Variants in FRYL observed in about 807,000 individuals in gnomAD.
The protein encoded by FRYL is protein furry homolog-like.
Under a neutral mutation model 351.2 loss-of-function variants are expected in FRYL, and 150 were observed. The observed-to-expected ratio is 0.43, with a 90% confidence interval of 0.37 to 0.49. FRYL has a LOEUF of 0.49. Ranked by LOEUF, FRYL falls within the 20% of genes least tolerant of loss-of-function variation. The pLI, the probability that FRYL is intolerant of heterozygous loss-of-function variation, is 0.00. For synonymous variants in FRYL, 1,153 were observed against 1,257.1 expected (o/e 0.92, Z 1.75); for missense variants, 3,036 against 3,619.3 (o/e 0.84, Z 4.13).
Position 48,581,709 on chromosome 4 carries a change from G to A in FRYL, c.1987-104C>T, listed in dbSNP as rs1276687418. 1.1e-5 allele frequency: 10 copies of A among 901,348 alleles called. No individual in the cohort carries two copies. The African/African-American group carries it at 1.4e-4, about 12-fold the overall frequency. The allele number at this position is 901,348 out of a possible 1,614,324, so 55.8% of individuals were successfully genotyped here. A position where few individuals can be genotyped will look rare whatever the true frequency, so the allele number is the denominator to read the frequency against. On this transcript the variant is annotated intron_variant, in intron 20 of 63. Coordinates refer to ENST00000358350, the MANE Select transcript of FRYL (RefSeq NM_015030.2). ...GCAAATCATAGTGATTATGACTACC[G>A]GTCTGCCTCAGCTCAAGCAATGTAA... is the stretch of plus-strand genomic sequence containing the variant.
chr4:48,710,526 A>T lies in FRYL; in HGVS notation c.-211T>A. 1 of 398,656 alleles carries T rather than the reference A, an allele frequency of 2.5e-6. No individual in the cohort carries two copies. Among genetic ancestry groups the T allele is most frequent in the East Asian group, 3.6e-5 (1 of 28,080 alleles). The allele number at this position is 398,656 out of a possible 1,614,324, so 24.7% of individuals were successfully genotyped here. ...AAATATACATGTCCTTACCACTTAG[A>T]AATGGTTGTTGAGGCACAGAGTTTG... is the stretch of plus-strand genomic sequence containing the variant. On this transcript the variant is annotated 5_prime_UTR_variant, in exon 2 of 64. Coordinates refer to ENST00000358350, the MANE Select transcript of FRYL (RefSeq NM_015030.2).
chr4:48,657,358 T>C (rs1337209250), intron 3 of FRYL, among the ~76,000 whole-genome samples: 31 of 148,790 alleles, frequency 2.1e-4, no homozygotes, highest in African/African-American at 5.1e-4. Context: ...CTTTTCTTTT[T>C]TTTTTTTTTT....
At chr4:48,606,658 C>T (rs1196252151) in intron 9 of FRYL, 52 bp from the exon 10 acceptor site, 8 of 1,444,134 alleles carry the variant, frequency 5.5e-6, no homozygotes, top group Non-Finnish European at 7.6e-6. Flanking sequence ...CACTAATTTC[C>T]ACATGATATT....
At chr4:48,672,430 T>C (rs1261778101) in intron 3 of FRYL, among the ~76,000 whole-genome samples, 1 of 152,174 alleles carries the variant, frequency 6.6e-6, no homozygotes, top group Non-Finnish European at 1.5e-5. Flanking sequence ...AATCTTCCAA[T>C]AATTACAGCC....
At chr4:48,721,187 T>A (rs1769429729) in intron 1 of FRYL, among the ~76,000 whole-genome samples, 1 of 152,172 alleles carries the variant, frequency 6.6e-6, no homozygotes. Context: ...TATACTTATT[T>A]AATTCCTTAT....
intron 1 of FRYL, among the ~76,000 whole-genome samples, chr4:48,732,940 A>AG (rs532166154): frequency 5.3e-5 from 8 of 151,224 alleles, no homozygotes; most frequent in Non-Finnish European, 7.4e-5. Context: ...TAAAAAAAAA[A>AG]AAAGAAAGTA....
rs113497747 is a variant in FRYL, at chr4:48,515,291, A to C, written c.7690-16T>G. The C allele has an allele frequency of 1.2e-3, 1,826 of 1,574,078 alleles. 21 individuals are homozygous for C. The African/African-American group carries it at 0.023, about 20-fold the overall frequency. On this transcript the variant is annotated splice_polypyrimidine_tract_variant and intron_variant, in intron 55 of 63. Transcript: ENST00000358350. ...AAGTTGTATCCTACAAAACAATCAT[A>C]GTTTTAGTGAACTATAAACACATAA...
Position 48,527,420 on chromosome 4 carries a change from C to A in FRYL, c.7317+57G>T, listed in dbSNP as rs1726503098. ...ATAAGGAATGATCCTGTGATCAAAT[C>A]CTTAATTCTCATACAACTGTTCTAT... On this transcript the variant is annotated intron_variant, in intron 53 of 63. Transcript: ENST00000358350. 5.0e-6 allele frequency: 7 copies of A among 1,412,328 alleles called. No individual in the cohort carries two copies. In the Admixed American group the frequency reaches 1.2e-4, roughly 23 times the overall value. 87.5% of individuals were successfully genotyped at this position (1,412,328 alleles called of 1,614,324 possible).
intron 3 of FRYL, among the ~76,000 whole-genome samples, chr4:48,654,997 TTAAG>T (rs1156468592): frequency 1.3e-5 from 2 of 152,172 alleles, no homozygotes; most frequent in Non-Finnish European, 2.9e-5. Flanking sequence ...ATTGTACCCT[TTAAG>T]TAACACAAAG....
intron 3 of FRYL, among the ~76,000 whole-genome samples, chr4:48,655,703 T>C (rs1251693705): frequency 6.8e-6 from 1 of 146,876 alleles, no homozygotes; most frequent in Non-Finnish European, 1.5e-5. Flanking sequence ...TTATATAATG[T>C]ATATATACAT....
intron 1 of FRYL, among the ~76,000 whole-genome samples, chr4:48,728,740 AAG>A (rs1770363613): frequency 6.6e-6 from 1 of 152,170 alleles, no homozygotes; most frequent in African/African-American, 2.4e-5. Flanking sequence ...TGAAAGTAAG[AAG>A]AGAGGGTTGC....
chr4:48,614,420 T>A (rs1042730847), intron 7 of FRYL, among the ~76,000 whole-genome samples: 4 of 152,148 alleles, frequency 2.6e-5, no homozygotes, highest in Non-Finnish European at 5.9e-5. Context: ...CAAGAAAATC[T>A]AGTAGAAACT....
At chr4:48,632,091 AATATATATATATATATATATAT>A (rs1560753223) in intron 4 of FRYL, among the ~76,000 whole-genome samples, 89 of 23,386 alleles carry the variant, frequency 3.8e-3, no homozygotes, top group South Asian at 7.2e-3. Context: ...AAAAAAAAAA[AATATATATATATATATATATAT>A]ATATATATAT....
At chr4:48,674,736 C>CAAAAAAAAAAAAAAAAAAAA (rs58696045) in intron 3 of FRYL, among the ~76,000 whole-genome samples, 2 of 55,786 alleles carry the variant, frequency 3.6e-5, no homozygotes, top group African/African-American at 1.6e-4. Context: ...GACTCTGTCT[C>CAAAAAAAAAAAAAAAAAAAA]AAAAAAAAAA....
rs780706497 is a variant in FRYL, at chr4:48,561,450, C to A, written c.3865+18G>T. On this transcript the variant is annotated intron_variant, in intron 33 of 63. Transcript: ENST00000358350. ...ATGATTGACAAATAGAAACTACTAACCAGTTCATTGATCATACCTGAGAAT... is the reference window on the plus strand; with the variant it reads ...ATGATTGACAAATAGAAACTACTAAACAGTTCATTGATCATACCTGAGAAT... The A allele has an allele frequency of 6.0e-6, 9 of 1,494,652 alleles. No homozygotes were observed. In the South Asian group the frequency reaches 1.2e-4, roughly 19 times the overall value. The allele number at this position is 1,494,652 out of a possible 1,614,324, so 92.6% of individuals were successfully genotyped here.
rs538242917 is a variant in FRYL, at chr4:48,548,451, G to C, written c.4888+239C>G. Among the ~76,000 whole-genome samples the C allele has an allele frequency of 2.0e-5, 3 of 152,102 alleles. No individual in the cohort carries two copies. The East Asian group carries it at 5.8e-4, about 29-fold the overall frequency. The stretch of plus-strand genomic sequence containing the variant: ...GTATAGTATATGTGTGTTTGTGTGT[G>C]GGCAGGCGAGGCCATAAGATAGGAA... On this transcript the variant is annotated intron_variant, in intron 40 of 63. Coordinates refer to ENST00000358350, the MANE Select transcript of FRYL (RefSeq NM_015030.2).
intron 13 of FRYL, among the ~76,000 whole-genome samples, chr4:48,599,508 T>C (rs1745274996): frequency 6.6e-6 from 1 of 152,242 alleles, no homozygotes; most frequent in African/African-American, 2.4e-5. Context: ...AAATTCATCA[T>C]ATTTATTCTT....
chr4:48,663,637 T>A (rs1451281397), intron 3 of FRYL, among the ~76,000 whole-genome samples: 1 of 151,108 alleles, frequency 6.6e-6, no homozygotes, highest in Non-Finnish European at 1.5e-5. Context: ...TAGCCGGGCG[T>A]GGTAGCGGGC....
At chr4:48,732,210 T>A (rs1296241736) in intron 1 of FRYL, among the ~76,000 whole-genome samples, 1 of 152,052 alleles carries the variant, frequency 6.6e-6, no homozygotes, top group African/African-American at 2.4e-5. Flanking sequence ...GAAATGCAAA[T>A]CAAAACCACA....
Sources: allele counts gnomAD v4.1 joint callset (sites outside exome capture counted in the v4.1 genomes callset), GRCh38; gene constraint gnomAD v4.1.1; transcripts MANE v1.5; gene names NCBI Gene and HGNC (gene_info 2026-07-23, HGNC 2026-07-21).